Variants in LRP11 observed in about 807,000 individuals in gnomAD.
The protein encoded by LRP11 is LDL receptor related protein 11, also known as low-density lipoprotein receptor-related protein 11.
Under a neutral mutation model 43.1 loss-of-function variants are expected in LRP11, and 25 were observed. The observed-to-expected ratio is 0.58, with a 90% confidence interval of 0.42 to 0.81. The LOEUF is 0.81. Ranked by LOEUF, LRP11 falls within the 30% of genes least tolerant of loss-of-function variation. LRP11 has a pLI of 0.00. For synonymous variants in LRP11, 316 were observed against 299.4 expected (o/e 1.06, Z -0.57); for missense variants, 623 against 665.1 (o/e 0.94, Z 0.70).
chr6:149,839,780 G>A (rs1776521041), intron 3 of LRP11, among the ~76,000 whole-genome samples: 1 of 152,136 alleles, frequency 6.6e-6, no homozygotes, highest in Non-Finnish European at 1.5e-5. Flanking sequence ...TCAGCCTCCT[G>A]AGTAGCTGGG....
At chr6:149,843,570 G>A (rs1776584818) in intron 2 of LRP11, among the ~76,000 whole-genome samples, 1 of 152,124 alleles carries the variant, frequency 6.6e-6, no homozygotes, top group African/African-American at 2.4e-5. Context: ...CTGTGTTCCA[G>A]GCCAACCCCT....
chr6:149,839,108 T>C (rs1477514769), intron 3 of LRP11, among the ~76,000 whole-genome samples: 1 of 151,044 alleles, frequency 6.6e-6, no homozygotes, highest in Non-Finnish European at 1.5e-5. Flanking sequence ...TTGCCCAGGC[T>C]GGTCTTGAAC....
At chr6:149,861,228 A>C (rs970221840) in intron 1 of LRP11, among the ~76,000 whole-genome samples, 2 of 152,188 alleles carry the variant, frequency 1.3e-5, no homozygotes, top group East Asian at 3.8e-4. Flanking sequence ...GCATCTGAGC[A>C]GGGGACACAC....
intron 5 of LRP11, among the ~76,000 whole-genome samples, chr6:149,835,248 G>A (rs1245073332): frequency 1.3e-5 from 2 of 152,156 alleles, no homozygotes; most frequent in African/African-American, 4.8e-5. Flanking sequence ...AGAGTAGCTG[G>A]GATTATAGGT....
intron 1 of LRP11, among the ~76,000 whole-genome samples, chr6:149,853,844 A>G (rs759123853): frequency 4.6e-5 from 7 of 152,168 alleles, no homozygotes; most frequent in Non-Finnish European, 1.0e-4. Context: ...CCTGAAAAAC[A>G]CCAAATTCAC....
chr6:149,849,900 G>C (rs758955620), intron 2 of LRP11, among the ~76,000 whole-genome samples: 1 of 152,284 alleles, frequency 6.6e-6, no homozygotes, highest in Non-Finnish European at 1.5e-5. Context: ...TTGAATACCT[G>C]TCTGGGTCAC....
Position 149,864,148 on chromosome 6 carries a change from G to A in LRP11, c.-128C>T. 2 of 1,156,552 alleles carry A rather than the reference G, an allele frequency of 1.7e-6. No individual in the cohort carries two copies. The highest frequency in any genetic ancestry group is 2.1e-6 in the Non-Finnish European group (2 of 940,442). The allele number at this position is 1,156,552 out of a possible 1,614,324, so 71.6% of individuals were successfully genotyped here. A position where few individuals can be genotyped will look rare whatever the true frequency, so the allele number is the denominator to read the frequency against. ...GCTGGCTCTAGGCCCCGGCCTCACA[G>A]CGCGGCGCCCCCGAACCCGGCTGCT... On this transcript the variant is annotated 5_prime_UTR_variant, in exon 1 of 7. Transcript: ENST00000239367.
intron 6 of LRP11, among the ~76,000 whole-genome samples, chr6:149,821,415 T>A (rs1776277319): frequency 6.6e-6 from 1 of 152,242 alleles, no homozygotes; most frequent in African/African-American, 2.4e-5. Flanking sequence ...TTCAACTAAG[T>A]ATGAACTAAC....
chr6:149,848,493 C>T (rs1409054590), intron 2 of LRP11, among the ~76,000 whole-genome samples: 3 of 152,116 alleles, frequency 2.0e-5, no homozygotes, highest in African/African-American at 4.8e-5. Context: ...TGCCCATCAA[C>T]GGTAGACTGG....
At position 149,837,513 on chromosome 6, in the gene LRP11, C is replaced by G. The variant is rs1237311998; in HGVS notation, c.914-50G>C. The G allele has an allele frequency of 1.9e-6, 3 of 1,591,130 alleles. No homozygotes were observed. In the South Asian group the frequency reaches 3.4e-5, roughly 18 times the overall value. ...ACACGAGTGCAGAAGTTCAGACTCT[C>G]AAGATGGGGATGACAAAGGGGAGTC... On this transcript the variant is annotated intron_variant, in intron 3 of 6. Transcript: ENST00000239367.
Position 149,863,638 on chromosome 6 carries a change from C to T in LRP11, c.383G>A (p.Arg128Gln). Residue 128 changes from arginine (R) to glutamine (Q), a missense_variant, in exon 1 of 7, where the codon CGG (arginine) becomes CAG (glutamine). Transcript: ENST00000239367. ...LRAPAAVRGW[R>Q]QCVAACCSEP... is the part of the protein sequence containing the mutation. The stretch of plus-strand genomic sequence containing the variant: ...GGAGCAGCAGGCCGCCACGCATTGC[C>T]GCCAGCCCCGCACGGCCGCCGGCGC... 4 of 1,471,042 alleles carry T rather than the reference C, an allele frequency of 2.7e-6. No homozygotes were observed. Among genetic ancestry groups the T allele is most frequent in the Non-Finnish European group, 2.7e-6 (3 of 1,117,964 alleles). The allele number at this position is 1,471,042 out of a possible 1,614,324, so 91.1% of individuals were successfully genotyped here. A position where few individuals can be genotyped will look rare whatever the true frequency, so the allele number is the denominator to read the frequency against.
intron 1 of LRP11, among the ~76,000 whole-genome samples, chr6:149,861,308 G>A (rs1051534044): frequency 6.6e-6 from 1 of 152,154 alleles, no homozygotes; most frequent in Non-Finnish European, 1.5e-5. Flanking sequence ...AACCTGAGCC[G>A]CACCTTCCGC....
chr6:149,843,327 G>A (rs1217298976), intron 2 of LRP11, among the ~76,000 whole-genome samples: 1 of 152,178 alleles, frequency 6.6e-6, no homozygotes, highest in African/African-American at 2.4e-5. Context: ...AGGTGGCCAA[G>A]GCCTTGACTG....
chr6:149,842,343 T>C (rs1776560767), intron 3 of LRP11, among the ~76,000 whole-genome samples: 2 of 152,196 alleles, frequency 1.3e-5, no homozygotes, highest in Admixed American at 1.3e-4. Flanking sequence ...CATTGTGGAA[T>C]GATTACATCA....
At chr6:149,832,691 G>GCTCACTGAAAGCTCTGC (rs1388159160) in intron 5 of LRP11, among the ~76,000 whole-genome samples, 1 of 150,440 alleles carries the variant, frequency 6.6e-6, no homozygotes, top group African/African-American at 2.5e-5. Flanking sequence ...CGCAATCTCA[G>GCTCACTGAAAGCTCTGC]CTCACTGAAA....
chr6:149,861,241 G>A (rs1283957064), intron 1 of LRP11, among the ~76,000 whole-genome samples: 2 of 152,118 alleles, frequency 1.3e-5, no homozygotes, highest in Non-Finnish European at 2.9e-5. Context: ...GGACACACAG[G>A]ACACTGGGGA....
intron 6 of LRP11, 149 bp downstream of exon 6, chr6:149,826,115 A>G: frequency 1.4e-6 from 1 of 729,160 alleles, no homozygotes. Flanking sequence ...ACGCAGTGCA[A>G]TACAAGCAAC....
intron 4 of LRP11, 65 bp from the exon 5 acceptor site, chr6:149,836,362 C>T (rs1417321818): frequency 8.1e-6 from 11 of 1,357,362 alleles, no homozygotes; most frequent in Non-Finnish European, 1.0e-5. Context: ...ACTAAAAACA[C>T]TACATCTGCA....
intron 1 of LRP11, among the ~76,000 whole-genome samples, chr6:149,857,089 G>C (rs1416576463): frequency 2.6e-5 from 4 of 152,144 alleles, no homozygotes; most frequent in Non-Finnish European, 5.9e-5. Flanking sequence ...TTTTGAAGCT[G>C]ACTTTGCAAA....
Sources: gnomAD v4.1 joint callset for allele counts (sites outside exome capture counted in the v4.1 genomes callset) on GRCh38, gnomAD v4.1.1 for gene constraint, MANE v1.5 for transcripts, NCBI Gene and HGNC (gene_info 2026-07-23, HGNC 2026-07-21) for gene names.